PRCD: variants seen among roughly 807,000 people sequenced by gnomAD.
The protein encoded by PRCD is photoreceptor disk component PRCD.
Under a neutral mutation model 10.1 loss-of-function variants are expected in PRCD, and 12 were observed. The ratio of observed to expected loss-of-function variants is 1.18; its 90% CI spans 0.76 to 1.92. PRCD has a LOEUF of 1.92. PRCD is among the 40% of genes most tolerant of loss of function. The pLI is 0.00. For synonymous variants in PRCD, 31 were observed against 26.2 expected, an observed-to-expected ratio of 1.18 and a Z score of -0.56; for missense variants, 61 against 72.2, an observed-to-expected ratio of 0.84 and a Z score of 0.56.
chr17:76,549,356 G>A (rs899464291), downstream of PRCD, among the ~76,000 whole-genome samples: 4 of 152,192 alleles, frequency 2.6e-5, no homozygotes, highest in African/African-American at 9.7e-5. Flanking sequence ...GGCTGGGCGC[G>A]GTGGCTCACG....
chr17:76,537,417 C>A (rs758975300), upstream of PRCD: 2 of 1,598,004 alleles, frequency 1.3e-6, no homozygotes, highest in Non-Finnish European at 1.7e-6. Flanking sequence ...GGATGGCCAC[C>A]CCCACGTCCT....
chr17:76,552,881 A>ATAT (rs1383051837), intron 1 of PRCD: 159 of 96,846 alleles, frequency 1.6e-3, no homozygotes, highest in Admixed American at 2.5e-3. Flanking sequence ...AAAAAAAAAA[A>ATAT]ATATATATAT....
chr17:76,528,120 G>GTA lies in PRCD; in HGVS notation n.45+297_45+298dup, dbSNP rs941642570. 1.6e-4 allele frequency: 63 copies of GTA among 387,596 alleles called. 1 individual carries two copies. Among genetic ancestry groups the GTA allele is most frequent in the Middle Eastern group, 1.4e-3 (2 of 1,408 alleles). The allele number at this position is 387,596 out of a possible 1,614,324, so 24.0% of individuals were successfully genotyped here. A position where few individuals can be genotyped will look rare whatever the true frequency, so the allele number is the denominator to read the frequency against. On this transcript the variant is annotated intron_variant and non_coding_transcript_variant, in intron 1 of 4. Coordinates refer to the PRCD transcript ENST00000397633. This position sits in a 1 kb window ranked among gnomAD's most constrained non-coding sequence, Gnocchi z 5.8. Reference sequence around the variant, plus strand: ...ATACACATTCTAGATATGTATGTGTGTATATATATATGTATATATATATTT... The same window carrying GTA: ...ATACACATTCTAGATATGTATGTGTGTATATATATATATGTATATATATATTT...
chr17:76,542,720 G>A, intron 3 of PRCD, 87 bp downstream of exon 3: 1 of 835,064 alleles, frequency 1.2e-6, no homozygotes, highest in Non-Finnish European at 2.0e-6. Context: ...CATGTGGGAG[G>A]ATAGCAGGCA....
Position 76,528,847 on chromosome 17 carries a change from T to C in PRCD, n.45+1014T>C. The C allele has an allele frequency of 8.2e-7, 1 of 1,214,838 alleles. No individual in the cohort carries two copies. The highest frequency in any genetic ancestry group is 4.3e-5 in the South Asian group (1 of 23,202). The allele number at this position is 1,214,838 out of a possible 1,614,324, so 75.3% of individuals were successfully genotyped here. On this transcript the variant is annotated intron_variant and non_coding_transcript_variant, in intron 1 of 4. Coordinates refer to the PRCD transcript ENST00000397633. This position sits in a 1 kb window ranked among gnomAD's most constrained non-coding sequence, Gnocchi z 5.8. ...GAGCTCCGGATCTTTTTCTCTAAAA[T>C]GTGAATAATGTCTGTCTTGTGACAT... is the stretch of plus-strand genomic sequence containing the variant.
rs1380335146 is a variant in PRCD at position 76,544,796 on chromosome 17, C to T, written c.*1146C>T. The T allele has an allele frequency of 6.6e-6, 3 of 456,830 alleles. No homozygotes were observed. The highest frequency in any genetic ancestry group is 1.5e-5 in the South Asian group (1 of 64,578). 28.3% of individuals were successfully genotyped at this position (456,830 alleles called of 1,614,324 possible). The stretch of plus-strand genomic sequence containing the variant: ...GTCACCTCATCCTTGCTGCCATTTC[C>T]GAGTTGCTCATCTCCTTCCACTGGT... On this transcript the variant is annotated 3_prime_UTR_variant, in exon 5 of 5. Coordinates refer to ENST00000592014, the MANE Select transcript of PRCD (RefSeq NM_001077620.3).
rs530666835 is a variant in PRCD, at chr17:76,531,271, C to T, written n.45+3438C>T. 2.2e-5 allele frequency: 27 copies of T among 1,237,610 alleles called. No homozygotes were observed. The highest frequency in any genetic ancestry group is 2.7e-5 in the Non-Finnish European group (24 of 891,352). 76.7% of individuals were successfully genotyped at this position (1,237,610 alleles called of 1,614,324 possible). A position where few individuals can be genotyped will look rare whatever the true frequency, so the allele number is the denominator to read the frequency against. ...GCAACAGTCTGGCAGCTTTGGGAAC[C>T]CCGTGCTCTCAGGACAAGGGTTGCC... On this transcript the variant is annotated intron_variant and non_coding_transcript_variant, in intron 1 of 4. Coordinates refer to the PRCD transcript ENST00000397633. This position sits in a 1 kb window ranked among gnomAD's most constrained non-coding sequence, Gnocchi z 7.4.
In PRCD at chr17:76,544,441, T is replaced by G. The variant is rs2075030496; in HGVS notation, c.*791T>G. On this transcript the variant is annotated 3_prime_UTR_variant, in exon 5 of 5. Coordinates refer to ENST00000592014, the MANE Select transcript of PRCD (RefSeq NM_001077620.3). Reference sequence around the variant, plus strand: ...GGGTGGGGGAGGAGGTGCACCCCGCTGGGGAGGGCCTGCTGGTACCTCGGG... The same window carrying G: ...GGGTGGGGGAGGAGGTGCACCCCGCGGGGGAGGGCCTGCTGGTACCTCGGG... 1 of 454,838 alleles carries G rather than the reference T, an allele frequency of 2.2e-6. No homozygotes were observed. The allele number at this position is 454,838 out of a possible 1,614,324, so 28.2% of individuals were successfully genotyped here. A position where few individuals can be genotyped will look rare whatever the true frequency, so the allele number is the denominator to read the frequency against.
At position 76,540,252 on chromosome 17, in the gene PRCD, G is replaced by GC. The variant is rs1555624422; in HGVS notation, c.74+37_74+38insC. The GC allele has an allele frequency of 4.0e-5, 37 of 925,412 alleles. No homozygotes were observed. Among genetic ancestry groups the GC allele is most frequent in the South Asian group, 1.2e-4 (7 of 57,768 alleles). 57.3% of individuals were successfully genotyped at this position (925,412 alleles called of 1,614,324 possible). Reference sequence around the variant, plus strand: ...ACCGGGCTATGGCTGGCGGTTGGTCGGGGGGGGGGGGCATGGGGCTGGGCT... The same window carrying GC: ...ACCGGGCTATGGCTGGCGGTTGGTCGCGGGGGGGGGGGCATGGGGCTGGGCT... On this transcript the variant is annotated intron_variant, in intron 1 of 4. Transcript: ENST00000592014. This position sits in a 1 kb window ranked among gnomAD's most constrained non-coding sequence, Gnocchi z 5.0.
downstream of PRCD, chr17:76,547,116 T>A (rs746223602): frequency 3.3e-5 from 5 of 152,276 alleles, no homozygotes; most frequent in African/African-American, 4.8e-5. Flanking sequence ...GGAACTCACA[T>A]TCAAGGGCAG....
chr17:76,531,953 C>G lies in PRCD; in HGVS notation n.45+4120C>G, dbSNP rs558368133. On this transcript the variant is annotated intron_variant and non_coding_transcript_variant, in intron 1 of 4. Coordinates refer to the PRCD transcript ENST00000397633. The surrounding 1 kb of genome is among the most constrained non-coding windows in gnomAD (Gnocchi z 7.4). Reference sequence around the variant, plus strand: ...TCATCTCCTAGGCCTCTGTCTTCCTCGCTTCTTGCTTCCTTCCCAAACTCT... The same window carrying G: ...TCATCTCCTAGGCCTCTGTCTTCCTGGCTTCTTGCTTCCTTCCCAAACTCT... The G allele has an allele frequency of 2.6e-6, 1 of 380,500 alleles. No homozygotes were observed. Among genetic ancestry groups the G allele is most frequent in the Middle Eastern group, 7.1e-4 (1 of 1,416 alleles). The allele number at this position is 380,500 out of a possible 1,614,324, so 23.6% of individuals were successfully genotyped here. A position where few individuals can be genotyped will look rare whatever the true frequency, so the allele number is the denominator to read the frequency against.
rs745465145 is a variant in PRCD, at chr17:76,534,104, TTTCTTTC to T, written n.45+6281_45+6287del. ...TGTTATTGTACCTTTTTTCTTTTTC[TTTCTTTC>T]TTCTTTCTTTCTTTCTTTCTCTCTC... is the stretch of plus-strand genomic sequence containing the variant. On this transcript the variant is annotated intron_variant and non_coding_transcript_variant, in intron 1 of 4. Transcript: ENST00000397633. Among the ~76,000 whole-genome samples the T allele has an allele frequency of 2.1e-3, 313 of 149,548 alleles. 1 individual carries two copies. Among genetic ancestry groups the T allele is most frequent in the Non-Finnish European group, 3.6e-3 (238 of 67,008 alleles).
At chr17:76,550,890 C>T (rs145713443) in intron 1 of PRCD, 1 of 152,350 alleles carries the variant, frequency 6.6e-6, no homozygotes, top group African/African-American at 2.4e-5. Flanking sequence ...CTAAGTGCCC[C>T]GAAGCACTGA....
At chr17:76,534,765 T>C (rs2074896847) in intron 1 of PRCD, among the ~76,000 whole-genome samples, 1 of 152,188 alleles carries the variant, frequency 6.6e-6, no homozygotes, top group Non-Finnish European at 1.5e-5. Flanking sequence ...CGTGGCCTGG[T>C]AACCAGGTGT....
At chr17:76,537,681 G>C (rs1460490640), upstream of PRCD, 34 of 773,230 alleles carry the variant, frequency 4.4e-5, no homozygotes, top group South Asian at 2.8e-4. Context: ...GGGAGGGAGC[G>C]TGTGTCTGTG....
At position 76,544,801 on chromosome 17, in the gene PRCD, T is replaced by C. The variant is rs760700959; in HGVS notation, c.*1151T>C. ...CTCATCCTTGCTGCCATTTCCGAGT[T>C]GCTCATCTCCTTCCACTGGTCTGAG... On this transcript the variant is annotated 3_prime_UTR_variant, in exon 5 of 5. Coordinates refer to ENST00000592014, the MANE Select transcript of PRCD (RefSeq NM_001077620.3). 1 of 456,820 alleles carries C rather than the reference T, an allele frequency of 2.2e-6. No homozygotes were observed. The highest frequency in any genetic ancestry group is 1.5e-5 in the South Asian group (1 of 64,574). 28.3% of individuals were successfully genotyped at this position (456,820 alleles called of 1,614,324 possible).
chr17:76,540,580 C>T lies in PRCD; in HGVS notation c.143+7C>T. The stretch of plus-strand genomic sequence containing the variant: ...ACCCTCAGTCCTCAGGCAGGTAAGG[C>T]AGGAGTCTGGGCTGGGGGAGGGAGG... On this transcript the variant is annotated splice_region_variant and intron_variant, in intron 2 of 4. Coordinates refer to ENST00000592014, the MANE Select transcript of PRCD (RefSeq NM_001077620.3). The surrounding 1 kb of genome is among the most constrained non-coding windows in gnomAD (Gnocchi z 5.0). 3 of 1,613,034 alleles carry T rather than the reference C, an allele frequency of 1.9e-6. No homozygotes were observed. Among genetic ancestry groups the T allele is most frequent in the Non-Finnish European group, 2.5e-6 (3 of 1,179,670 alleles).
intron 1 of PRCD, chr17:76,552,881 A>ATATAT (rs1383051837): frequency 9.3e-5 from 9 of 96,928 alleles, no homozygotes; most frequent in Admixed American, 2.4e-4. Context: ...AAAAAAAAAA[A>ATATAT]ATATATATAT....
intron 1 of PRCD, chr17:76,551,820 T>G (rs1032260548): frequency 6.6e-6 from 1 of 151,992 alleles, no homozygotes; most frequent in Non-Finnish European, 1.5e-5. Context: ...GTTTTTAGGC[T>G]GGATTGTTTG....
Sources: allele counts gnomAD v4.1 joint callset (sites outside exome capture counted in the v4.1 genomes callset), GRCh38; gene constraint gnomAD v4.1.1; non-coding constraint Gnocchi (gnomAD v3.1); transcripts MANE v1.5; gene names NCBI Gene and HGNC (gene_info 2026-07-23, HGNC 2026-07-21).